Variants in ABCC4 observed in about 807,000 individuals in gnomAD.
ABCC4 encodes the protein ATP-binding cassette sub-family C member 4.
In ABCC4, 102 loss-of-function variants were observed where a neutral mutation model predicts 168.5. The observed-to-expected ratio is 0.61, with a 90% CI of 0.52 to 0.71. The LOEUF (loss-of-function observed/expected upper bound fraction) is 0.71, where lower values mean the gene tolerates loss of function less well. ABCC4 is among the 30% of genes least tolerant of loss of function. The pLI is 0.00. For synonymous variants in ABCC4, 617 were observed against 590.7 expected (o/e 1.04, Z -0.65); for missense variants, 1,402 against 1,605.8 (o/e 0.87, Z 2.17).
chr13:95,164,256 T>C, intron 16 of ABCC4, 122 bp downstream of exon 16: 1 of 1,255,054 alleles, frequency 8.0e-7, no homozygotes, highest in South Asian at 1.5e-5. Flanking sequence ...CCTCACTTTG[T>C]TCCCCAAAGA....
chr13:95,090,453 C>G (rs2034395634), intron 20 of ABCC4, among the ~76,000 whole-genome samples: 1 of 152,212 alleles, frequency 6.6e-6, no homozygotes, highest in Non-Finnish European at 1.5e-5. Context: ...CATCACAGGA[C>G]TCTCTGCAGA....
At chr13:95,220,620 C>T (rs1410228292) in intron 4 of ABCC4, among the ~76,000 whole-genome samples, 3 of 152,164 alleles carry the variant, frequency 2.0e-5, no homozygotes, top group Admixed American at 1.3e-4. Context: ...ATACCAAATG[C>T]AGTAATGCCT....
chr13:95,053,692 T>C (rs2032933086), intron 26 of ABCC4: 1 of 163,448 alleles, frequency 6.1e-6, no homozygotes, highest in Admixed American at 5.8e-5. Flanking sequence ...ATTAAGAATC[T>C]CTCACCGGGC....
intron 20 of ABCC4, among the ~76,000 whole-genome samples, chr13:95,098,244 A>G (rs2034679026): frequency 6.6e-6 from 1 of 152,118 alleles, no homozygotes; most frequent in Admixed American, 6.5e-5. Context: ...AGGAAGTATA[A>G]CTTTAAATGC....
intron 1 of ABCC4, among the ~76,000 whole-genome samples, chr13:95,253,540 T>C (rs1276311091): frequency 6.6e-6 from 1 of 151,312 alleles, no homozygotes; most frequent in African/African-American, 2.4e-5. Flanking sequence ...AGGTCAGGAG[T>C]TCGAGACCAG....
intron 4 of ABCC4, among the ~76,000 whole-genome samples, chr13:95,230,696 AC>A (rs1369377304): frequency 6.6e-6 from 1 of 152,186 alleles, no homozygotes; most frequent in Non-Finnish European, 1.5e-5. Context: ...AATCACTTGA[AC>A]CCAGGAGGCA....
intron 3 of ABCC4, among the ~76,000 whole-genome samples, chr13:95,244,596 T>TAAAGAAAGAAAGAAAGAAAGAAA (rs1387393021): frequency 2.9e-5 from 1 of 34,974 alleles, no homozygotes; most frequent in Admixed American, 4.0e-4. Context: ...TAAAATAACA[T>TAAAGAAAGAAAGAAAGAAAGAAA]GAAAGAAAGA....
intron 19 of ABCC4, among the ~76,000 whole-genome samples, chr13:95,124,337 G>A (rs2035676170): frequency 6.6e-6 from 1 of 152,014 alleles, no homozygotes; most frequent in African/African-American, 2.4e-5. Context: ...CTGAGAGCAG[G>A]CAACTGGACA....
chr13:95,218,981 G>GAAAGAAAGAAAA (rs2039225980), intron 4 of ABCC4, among the ~76,000 whole-genome samples: 1 of 53,590 alleles, frequency 1.9e-5, no homozygotes, highest in Non-Finnish European at 4.1e-5. Flanking sequence ...AAGAAAGAAA[G>GAAAGAAAGAAAA]AAAGAGTGAG....
chr13:95,199,151 A>G (rs574040218), intron 8 of ABCC4, among the ~76,000 whole-genome samples: 1 of 152,280 alleles, frequency 6.6e-6, no homozygotes, highest in South Asian at 2.1e-4. Context: ...ATATAAAAAT[A>G]TTTTTTAAAA....
chr13:95,148,689 A>T (rs1220048256), intron 19 of ABCC4, among the ~76,000 whole-genome samples: 1 of 151,624 alleles, frequency 6.6e-6, no homozygotes, highest in East Asian at 1.9e-4. Context: ...TTAAATGACA[A>T]CCAAAGTTCT....
intron 4 of ABCC4, among the ~76,000 whole-genome samples, chr13:95,218,880 G>GAAAAGAAA (rs1566539160): frequency 2.4e-5 from 3 of 122,764 alleles, no homozygotes; most frequent in African/African-American, 9.7e-5. Flanking sequence ...GAAAAGAAAA[G>GAAAAGAAA]AGACAGACAG....
At chr13:95,229,794 T>A (rs908791019) in intron 4 of ABCC4, among the ~76,000 whole-genome samples, 101 of 152,250 alleles carry the variant, frequency 6.6e-4, no homozygotes, top group African/African-American at 2.3e-3. Flanking sequence ...CAAGGGCAAA[T>A]GGGAGATCCA....
chr13:95,113,838 A>T (rs1172819211), intron 20 of ABCC4, among the ~76,000 whole-genome samples: 1 of 152,232 alleles, frequency 6.6e-6, no homozygotes, highest in Non-Finnish European at 1.5e-5. Flanking sequence ...CCTGACAACC[A>T]TTTAAACAAT....
At chr13:95,270,004 G>A (rs2138877255) in intron 1 of ABCC4, among the ~76,000 whole-genome samples, 1 of 152,250 alleles carries the variant, frequency 6.6e-6, no homozygotes, top group East Asian at 1.9e-4. Context: ...GTATTCAGGG[G>A]TTCATTACTG....
At chr13:95,285,088 A>G (rs1367323869) in intron 1 of ABCC4, among the ~76,000 whole-genome samples, 1 of 152,070 alleles carries the variant, frequency 6.6e-6, no homozygotes. Flanking sequence ...TCTACAAAAA[A>G]TAAACAAAAG....
intron 4 of ABCC4, among the ~76,000 whole-genome samples, chr13:95,227,535 G>A (rs922673441): frequency 1.1e-4 from 17 of 152,264 alleles, no homozygotes; most frequent in Non-Finnish European, 2.5e-4. Flanking sequence ...AGTATCACAT[G>A]TGTCCAGGGA....
chr13:95,088,361 C>T (rs149469375), intron 20 of ABCC4, among the ~76,000 whole-genome samples: 2 of 152,084 alleles, frequency 1.3e-5, no homozygotes, highest in South Asian at 2.1e-4. Context: ...ACATAAAAAT[C>T]GACAGAGAAA....
At chr13:95,273,417 C>T (rs1277177041) in intron 1 of ABCC4, among the ~76,000 whole-genome samples, 1 of 152,184 alleles carries the variant, frequency 6.6e-6, no homozygotes, top group Non-Finnish European at 1.5e-5. Flanking sequence ...CTGGCCCCTT[C>T]CCTCAGGTTG....
Sources: gnomAD v4.1 joint callset for allele counts (sites outside exome capture counted in the v4.1 genomes callset) on GRCh38, gnomAD v4.1.1 for gene constraint, MANE v1.5 for transcripts, NCBI Gene and HGNC (gene_info 2026-07-23, HGNC 2026-07-21) for gene names.